The following ALX4 variants were observed in gnomAD, a reference collection of about 807,000 sequenced individuals.
ALX4 encodes homeobox protein aristaless-like 4.
ALX4 carries 22 observed loss-of-function variants against 40.6 expected under a neutral mutation model. That is an observed-to-expected ratio of 0.54 (90% CI 0.39 to 0.77). ALX4 has a LOEUF of 0.77. Ranked by LOEUF, ALX4 falls within the 30% of genes least tolerant of loss-of-function variation. The probability of loss-of-function intolerance (pLI) is 0.00; values close to 1 mark genes in which losing one functional copy is unlikely to be tolerated. For synonymous variants in ALX4, 266 were observed against 240.5 expected (o/e 1.11, Z -0.98); for missense variants, 556 against 564.8 (o/e 0.98, Z 0.16).
intron 1 of ALX4, among the ~76,000 whole-genome samples, chr11:44,303,154 G>T (rs745809104): frequency 8.5e-5 from 13 of 152,270 alleles, no homozygotes; most frequent in Non-Finnish European, 1.6e-4. Flanking sequence ...GAGCCCTGGA[G>T]AGCCAGTTGT....
intron 1 of ALX4, among the ~76,000 whole-genome samples, chr11:44,286,127 C>G (rs1479034768): frequency 6.6e-6 from 1 of 152,182 alleles, no homozygotes; most frequent in Non-Finnish European, 1.5e-5. Context: ...GTCCTTGGTC[C>G]CCTGCACACA....
chr11:44,277,769 G>T (rs965862179), intron 1 of ALX4, among the ~76,000 whole-genome samples: 1 of 152,182 alleles, frequency 6.6e-6, no homozygotes, highest in African/African-American at 2.4e-5. Flanking sequence ...AGAGGTGAGT[G>T]CCCAGAGTAG....
chr11:44,309,748 C>A lies in ALX4; in HGVS notation c.315G>T (p.Pro105=). Reference sequence around the variant, plus strand: ...GCTGCGGCTGCTGCTGCTGCGGCTGCGGCTGCGGCGGCGGCTGGGGCTGCG... The same window carrying A: ...GCTGCGGCTGCTGCTGCTGCGGCTGAGGCTGCGGCGGCGGCTGGGGCTGCG... The part of the protein sequence containing the change: ...STPQPQPPPQ[P]QPQQQQPQPQ... The change falls in exon 1 of 4, where the codon CCG becomes CCT. Residue 105 remains proline (P), a synonymous_variant. Transcript: ENST00000652299. 1 of 1,534,972 alleles carries A rather than the reference C, an allele frequency of 6.5e-7. No individual in the cohort carries two copies. The highest frequency in any genetic ancestry group is 8.7e-7 in the Non-Finnish European group (1 of 1,146,656).
At chr11:44,281,597 T>TA (rs1357671630) in intron 1 of ALX4, among the ~76,000 whole-genome samples, 12 of 151,752 alleles carry the variant, frequency 7.9e-5, no homozygotes, top group South Asian at 4.2e-4. Flanking sequence ...GTAATCTCCT[T>TA]AAAAAAAACA....
intron 1 of ALX4, among the ~76,000 whole-genome samples, chr11:44,276,101 G>A (rs1956276500): frequency 6.6e-6 from 1 of 152,168 alleles, no homozygotes; most frequent in Non-Finnish European, 1.5e-5. Context: ...TGGCCCAGTG[G>A]GGCTTGGGGT....
chr11:44,263,649 G>C lies in ALX4; in HGVS notation c.*1205C>G, dbSNP rs1325452095. On this transcript the variant is annotated 3_prime_UTR_variant, in exon 4 of 4. Transcript: ENST00000652299. ...CCCCCATCTGCCGTGGAAGGCTCTG[G>C]GCAGCGATGACACTGACAGATATGG... The C allele has an allele frequency of 2.0e-5, 3 of 152,362 alleles. No individual in the cohort carries two copies. Among genetic ancestry groups the C allele is most frequent in the African/African-American group, 7.2e-5 (3 of 41,472 alleles). 9.4% of individuals were successfully genotyped at this position (152,362 alleles called of 1,614,324 possible).
chr11:44,308,247 G>A (rs1369806957), intron 1 of ALX4, among the ~76,000 whole-genome samples: 2 of 152,258 alleles, frequency 1.3e-5, no homozygotes, highest in African/African-American at 4.8e-5. Flanking sequence ...GACTGTGAAT[G>A]TTTGTCAGCA....
intron 1 of ALX4, among the ~76,000 whole-genome samples, chr11:44,303,708 C>T (rs912727729): frequency 1.3e-5 from 2 of 152,176 alleles, no homozygotes; most frequent in African/African-American, 4.8e-5. Flanking sequence ...GGTGACAGAA[C>T]GTGCTGGGGG....
intron 1 of ALX4, among the ~76,000 whole-genome samples, chr11:44,306,207 A>G (rs1956467024): frequency 6.6e-6 from 1 of 152,194 alleles, no homozygotes; most frequent in South Asian, 2.1e-4. Flanking sequence ...CACCCAAAGG[A>G]CACTGCGGAG....
intron 1 of ALX4, among the ~76,000 whole-genome samples, chr11:44,302,081 C>T (rs1160632564): frequency 6.6e-6 from 1 of 152,156 alleles, no homozygotes; most frequent in African/African-American, 2.4e-5. Context: ...AGGCCACAGG[C>T]CATGATGCAA....
chr11:44,284,355 T>C (rs984328660), intron 1 of ALX4, among the ~76,000 whole-genome samples: 2 of 152,180 alleles, frequency 1.3e-5, no homozygotes, highest in Admixed American at 6.5e-5. Context: ...TGTGGGATTA[T>C]GGGAAGCAAG....
intron 1 of ALX4, among the ~76,000 whole-genome samples, chr11:44,289,719 C>G (rs1486321567): frequency 6.6e-6 from 1 of 152,202 alleles, no homozygotes; most frequent in Non-Finnish European, 1.5e-5. Flanking sequence ...TGATCTAACA[C>G]TTGGAGATCA....
At chr11:44,274,044 G>A (rs1226066398) in intron 2 of ALX4, among the ~76,000 whole-genome samples, 2 of 152,214 alleles carry the variant, frequency 1.3e-5, no homozygotes, top group African/African-American at 4.8e-5. Context: ...GGAGGTTGAG[G>A]TGGGATGATC....
In ALX4 at chr11:44,263,463, T is replaced by C. The variant is rs1427880281; in HGVS notation, c.*1391A>G. ...CAGGAGGGCATCCTGACAGCCCCAT[T>C]TGCAATAGCAAAGCCACACCGAGGA... On this transcript the variant is annotated 3_prime_UTR_variant, in exon 4 of 4. Coordinates refer to ENST00000652299, the MANE Select transcript of ALX4 (RefSeq NM_021926.4). 2.0e-5 allele frequency: 3 copies of C among 152,208 alleles called. No individual in the cohort carries two copies. The highest frequency in any genetic ancestry group is 7.2e-5 in the African/African-American group (3 of 41,404). 9.4% of individuals were successfully genotyped at this position (152,208 alleles called of 1,614,324 possible).
chr11:44,272,419 G>A lies in ALX4; in HGVS notation c.777+2929C>T, dbSNP rs548512062. Among the ~76,000 whole-genome samples, 31 of 151,910 alleles carry A rather than the reference G, an allele frequency of 2.0e-4. 1 individual carries two copies. The highest frequency in any genetic ancestry group is 6.5e-4 in the African/African-American group (27 of 41,380). On this transcript the variant is annotated intron_variant, in intron 2 of 3. Transcript: ENST00000652299. ...CTCAGGAGGCTGAGGCAGGAGAATC[G>A]CTTGAACCCGGGAGGCAGAGGTTGC... is the stretch of plus-strand genomic sequence containing the variant.
At position 44,267,555 on chromosome 11, in the gene ALX4, C is replaced by T. The variant is rs144440589; in HGVS notation, c.845G>A (p.Arg282Gln). Residue 282 changes from arginine to glutamine, a missense_variant, in exon 3 of 4, where the codon CGA (arginine) becomes CAA (glutamine). Coordinates refer to ENST00000652299, the MANE Select transcript of ALX4 (RefSeq NM_021926.4). ...CTCATATGCAGTGGAGAAGTGGGTTCGAACCTGCTGCATCTGCCCAAAACG... is the reference window on the plus strand; with the variant it reads ...CTCATATGCAGTGGAGAAGTGGGTTTGAACCTGCTGCATCTGCCCAAAACG... The part of the protein sequence containing the change: ...RERFGQMQQV[R>Q]THFSTAYELP... The T allele has an allele frequency of 1.8e-4, 290 of 1,614,124 alleles. 1 individual carries two copies. The highest frequency in any genetic ancestry group is 3.4e-4 in the South Asian group (31 of 91,080).
chr11:44,292,381 T>A (rs867794305), intron 1 of ALX4, among the ~76,000 whole-genome samples: 1,571 of 139,256 alleles, frequency 0.011, 31 homozygotes, highest in South Asian at 0.028. Context: ...AATTAAATTT[T>A]TTTTTTTTTT....
At chr11:44,309,120 G>A (rs979636339) in intron 1 of ALX4, among the ~76,000 whole-genome samples, 1 of 138,648 alleles carries the variant, frequency 7.2e-6, no homozygotes, top group South Asian at 2.6e-4. Flanking sequence ...GAGCCTCCCA[G>A]CCGGCGAGGA....
At chr11:44,266,526 T>G (rs1322948395) in intron 3 of ALX4, among the ~76,000 whole-genome samples, 1 of 152,098 alleles carries the variant, frequency 6.6e-6, no homozygotes. Flanking sequence ...CTGGTCTGGT[T>G]GGAGAGCCAG....
Sources: allele counts gnomAD v4.1 joint callset (sites outside exome capture counted in the v4.1 genomes callset), GRCh38; gene constraint gnomAD v4.1.1; transcripts MANE v1.5; gene names NCBI Gene and HGNC (gene_info 2026-07-23, HGNC 2026-07-21).